The following GFRA2 variants were observed in gnomAD, a reference collection of about 807,000 sequenced individuals.
The protein encoded by GFRA2 is GDNF family receptor alpha 2, also known as GDNF family receptor alpha-2.
In GFRA2, 17 loss-of-function variants were observed where a neutral mutation model predicts 48.3. The ratio of observed to expected loss-of-function variants is 0.35; its 90% CI spans 0.24 to 0.53. The LOEUF is 0.53. Among genes scored for constraint, GFRA2 ranks in the 20% least tolerant of loss-of-function variants. GFRA2 has a pLI of 0.93. For missense variants in GFRA2, 660 were observed against 637.3 expected, an observed-to-expected ratio of 1.04 and a Z score of -0.38; for synonymous variants, 305 against 257.2, an observed-to-expected ratio of 1.19 and a Z score of -1.78.
At chr8:21,774,877 C>T (rs1227685709) in intron 3 of GFRA2, 95 bp downstream of exon 3, 3 of 711,386 alleles carry the variant, frequency 4.2e-6, no homozygotes, top group East Asian at 2.5e-5. Context: ...GGGCCATCAT[C>T]GGACGCCAGG....
chr8:21,761,187 C>T (rs1805891796), intron 3 of GFRA2, among the ~76,000 whole-genome samples: 2 of 152,180 alleles, frequency 1.3e-5, no homozygotes, highest in African/African-American at 2.4e-5. Flanking sequence ...CCACACTTCA[C>T]GTTGGATCTC....
At chr8:21,801,992 C>T (rs1248280393) in intron 2 of GFRA2, among the ~76,000 whole-genome samples, 2 of 152,356 alleles carry the variant, frequency 1.3e-5, no homozygotes, top group Non-Finnish European at 2.9e-5. Flanking sequence ...CCATCCCGTC[C>T]GCTCCTCAGC....
intron 1 of GFRA2, 101 bp from the exon 2 acceptor site, chr8:21,783,000 C>A (rs1807087616): frequency 8.7e-7 from 1 of 1,153,870 alleles, no homozygotes; most frequent in Admixed American, 2.0e-5. Flanking sequence ...AACGTCACAC[C>A]CATTTCGCCA....
chr8:21,700,422 C>T (rs538160326), intron 7 of GFRA2, among the ~76,000 whole-genome samples: 1 of 152,216 alleles, frequency 6.6e-6, no homozygotes, highest in Non-Finnish European at 1.5e-5. Context: ...TGGGAGGGGG[C>T]TCCTGGCTCT....
At position 21,788,677 on chromosome 8, in the gene GFRA2, G is replaced by T. The variant is rs1585346190; in HGVS notation, c.-518C>A. The T allele has an allele frequency of 2.0e-6, 2 of 985,858 alleles. No homozygotes were observed. Among genetic ancestry groups the T allele is most frequent in the South Asian group, 4.7e-5 (1 of 21,304 alleles). The allele number at this position is 985,858 out of a possible 1,614,324, so 61.1% of individuals were successfully genotyped here. A position where few individuals can be genotyped will look rare whatever the true frequency, so the allele number is the denominator to read the frequency against. The stretch of plus-strand genomic sequence containing the variant: ...ACAATCCAGTCGGAGCTTCGAGGAC[G>T]AGAGACTGGAGTCGCTTCTTTCGCA... On this transcript the variant is annotated 5_prime_UTR_variant, in exon 1 of 9. Coordinates refer to ENST00000524240, the MANE Select transcript of GFRA2 (RefSeq NM_001495.5).
chr8:21,728,517 C>T (rs1804005967), intron 4 of GFRA2, among the ~76,000 whole-genome samples: 1 of 151,986 alleles, frequency 6.6e-6, no homozygotes, highest in South Asian at 2.1e-4. Flanking sequence ...TCAGGTAATC[C>T]ACCCGCCTTG....
intron 3 of GFRA2, among the ~76,000 whole-genome samples, chr8:21,768,318 G>C (rs1806278576): frequency 1.3e-5 from 2 of 152,222 alleles, no homozygotes; most frequent in African/African-American, 2.4e-5. Flanking sequence ...ATTCGGCTCA[G>C]GGAGACAACC....
In GFRA2 at chr8:21,702,896, G is replaced by T; in HGVS notation, c.1127C>A (p.Pro376His). The change falls in exon 7 of 9, where the codon CCT (proline) becomes CAT (histidine). Residue 376 changes from proline (P) to histidine (H), a missense_variant. Transcript: ENST00000524240. ...CAAAGAAGGCGTCTTCTCCACCCGA[G>T]GGGCCTGGGTGGCCTGGAACGAGGG... ...KGPSFQATQA[P>H]RVEKTPSLPD... The T allele has an allele frequency of 6.2e-7, 1 of 1,604,856 alleles. No individual in the cohort carries two copies.
intron 4 of GFRA2, among the ~76,000 whole-genome samples, chr8:21,737,121 C>T (rs927527979): frequency 2.0e-5 from 3 of 152,186 alleles, no homozygotes; most frequent in African/African-American, 7.2e-5. Context: ...CATTACCTAA[C>T]AAAGCAACTC....
intron 7 of GFRA2, among the ~76,000 whole-genome samples, chr8:21,702,056 G>A (rs1412217437): frequency 1.3e-5 from 2 of 152,168 alleles, no homozygotes; most frequent in South Asian, 2.1e-4. Flanking sequence ...GCACAGCCCC[G>A]ACTGGCTGAG....
At position 21,692,607 on chromosome 8, in the gene GFRA2, G is replaced by A. The variant is rs928747417; in HGVS notation, c.*671C>T. 6.6e-6 allele frequency: 1 copy of A among 152,010 alleles called. No homozygotes were observed. Among genetic ancestry groups the A allele is most frequent in the African/African-American group, 2.4e-5 (1 of 41,352 alleles). 9.4% of individuals were successfully genotyped at this position (152,010 alleles called of 1,614,324 possible). ...TCTCCCAGGCAGGCTGAGCTCTCAA[G>A]CCCTCCTGGAGCTGGCCCCCAGCCC... On this transcript the variant is annotated 3_prime_UTR_variant, in exon 9 of 9. Coordinates refer to ENST00000524240, the MANE Select transcript of GFRA2 (RefSeq NM_001495.5).
In GFRA2 at chr8:21,750,486, G is replaced by A. The variant is rs1347643456; in HGVS notation, c.794+102C>T. On this transcript the variant is annotated intron_variant, in intron 4 of 8. Transcript: ENST00000524240. This position sits in a 1 kb window ranked among gnomAD's most constrained non-coding sequence, Gnocchi z 5.7. ...TTGACACCCTTTCTGCTGGACTCAGGGTCATAATTCGATGCACCCAAGGAA... is the reference window on the plus strand; with the variant it reads ...TTGACACCCTTTCTGCTGGACTCAGAGTCATAATTCGATGCACCCAAGGAA... The A allele has an allele frequency of 7.7e-6, 5 of 652,678 alleles. No individual in the cohort carries two copies. Among genetic ancestry groups the A allele is most frequent in the African/African-American group, 3.6e-5 (2 of 54,962 alleles). 40.4% of individuals were successfully genotyped at this position (652,678 alleles called of 1,614,324 possible). A position where few individuals can be genotyped will look rare whatever the true frequency, so the allele number is the denominator to read the frequency against.
In GFRA2 at chr8:21,810,282, CACA is replaced by C. The variant is rs763192727; in HGVS notation, c.-148+1946_-148+1948del. 2.0e-3 allele frequency among the ~76,000 whole-genome samples: 298 copies of C among 152,268 alleles called. 2 individuals are homozygous for C. Among genetic ancestry groups the C allele is most frequent in the Middle Eastern group, 0.01 (3 of 294 alleles). On this transcript the variant is annotated intron_variant, in intron 1 of 10. Coordinates refer to the GFRA2 transcript ENST00000517328. ...GTGGACTGTGGGAGTGGAAGTGACC[CACA>C]ACATGCAATCCTTCCCCACTCCCTC...
At chr8:21,800,725 G>C (rs1807755424) in intron 2 of GFRA2, among the ~76,000 whole-genome samples, 1 of 152,160 alleles carries the variant, frequency 6.6e-6, no homozygotes, top group African/African-American at 2.4e-5. Flanking sequence ...AGGAGTTGGA[G>C]GCCAGCCCAG....
rs140310740 is a variant in GFRA2, at chr8:21,765,896, A to G, written c.439+9076T>C. Among the ~76,000 whole-genome samples, 1,013 of 152,084 alleles carry G rather than the reference A, an allele frequency of 6.7e-3. 7 individuals are homozygous for G. Among genetic ancestry groups the G allele is most frequent in the Non-Finnish European group, 9.9e-3 (670 of 67,986 alleles). ...TTCCTTTCAACCCCACCTCCAAAAT[A>G]TATTCCCAGCCCATGCATCCTCTCC... is the stretch of plus-strand genomic sequence containing the variant. On this transcript the variant is annotated intron_variant, in intron 3 of 8. Transcript: ENST00000524240.
intron 4 of GFRA2, among the ~76,000 whole-genome samples, chr8:21,738,045 T>A (rs975328073): frequency 8.6e-5 from 13 of 150,366 alleles, no homozygotes; most frequent in African/African-American, 2.9e-4. Flanking sequence ...AAACACTTTT[T>A]GGATTTGACA....
chr8:21,750,898 G>A lies in GFRA2; in HGVS notation c.484C>T (p.Leu162=). 1.2e-6 allele frequency: 2 copies of A among 1,613,636 alleles called. No individual in the cohort carries two copies. Among genetic ancestry groups the A allele is most frequent in the South Asian group, 1.1e-5 (1 of 91,080 alleles). The change falls in exon 4 of 9, where the codon CTG becomes TTG. Residue 162 remains leucine, a synonymous_variant. Coordinates refer to ENST00000524240, the MANE Select transcript of GFRA2 (RefSeq NM_001495.5). This position sits in a 1 kb window ranked among gnomAD's most constrained non-coding sequence, Gnocchi z 5.7. ...PVVSAKSNHC[L]DAAKACNLND... is the part of the protein sequence containing the mutation. ...AGGTTGCAGGCCTTGGCAGCATCCA[G>A]GCAATGGTTGCTCTTGGCGCTGACC...
chr8:21,791,671 C>A (rs1807576733), upstream of GFRA2, among the ~76,000 whole-genome samples: 1 of 152,102 alleles, frequency 6.6e-6, no homozygotes, highest in African/African-American at 2.4e-5. Flanking sequence ...AAAGATAAAC[C>A]AACGTTGTAG....
chr8:21,704,179 G>GC (rs1802625145), intron 6 of GFRA2, among the ~76,000 whole-genome samples: 1 of 152,226 alleles, frequency 6.6e-6, no homozygotes, highest in Admixed American at 6.5e-5. Context: ...GCCCAGGGTG[G>GC]ACTGGCAGGC....
Sources: gnomAD v4.1 joint callset for allele counts (sites outside exome capture counted in the v4.1 genomes callset) on GRCh38, gnomAD v4.1.1 for gene constraint, Gnocchi (gnomAD v3.1) non-coding constraint, MANE v1.5 for transcripts, NCBI Gene and HGNC (gene_info 2026-07-23, HGNC 2026-07-21) for gene names.